The following ODAD1 variants were observed in gnomAD, a reference collection of about 807,000 sequenced individuals.
ODAD1 encodes the protein outer dynein arm docking complex subunit 1, also known as outer dynein arm-docking complex subunit 1.
ODAD1 carries 49 observed loss-of-function variants against 67.2 expected under a neutral mutation model. That is an observed-to-expected ratio of 0.73 (90% CI 0.58 to 0.92). The LOEUF (loss-of-function observed/expected upper bound fraction) is 0.92. ODAD1 is among the 40% of genes least tolerant of loss of function. ODAD1 has a pLI of 0.00. For missense variants in ODAD1, 897 were observed against 953.7 expected (o/e 0.94, Z 0.78); for synonymous variants, 345 against 393.7 (o/e 0.88, Z 1.46).
chr19:48,320,163 CT>C, intron 3 of ODAD1, 135 bp downstream of exon 3: 1 of 850,358 alleles, frequency 1.2e-6, no homozygotes. Flanking sequence ...CCCCGCCTCC[CT>C]TAGGGCGCAT....
At chr19:48,309,208 G>A (rs1968696631) in intron 7 of ODAD1, among the ~76,000 whole-genome samples, 1 of 152,140 alleles carries the variant, frequency 6.6e-6, no homozygotes, top group South Asian at 2.1e-4. Context: ...GCCATGAATG[G>A]CAGCAGGAGG....
chr19:48,302,799 G>A lies in ODAD1; in HGVS notation c.1135C>T (p.Gln379Ter). The change falls in exon 12 of 16, where the codon CAG (glutamine) becomes TAG (stop). Residue 379 changes from glutamine (Q) to a stop codon, truncating the protein, a stop_gained. Transcript: ENST00000674294. LOFTEE classifies it high-confidence loss of function. The stretch of plus-strand genomic sequence containing the variant: ...ATGCGCTGCTGCAACACCTTCTGCT[G>A]CTGCTCCTGCAGCAAATGCTGGTCA... ...KDDQHLLQEQQQKVLQQRMDK... is the reference protein window; with the variant it reads ...KDDQHLLQEQ 2 of 1,614,046 alleles carry A rather than the reference G, an allele frequency of 1.2e-6. No individual in the cohort carries two copies. The highest frequency in any genetic ancestry group is 1.7e-6 in the Non-Finnish European group (2 of 1,180,022).
At chr19:48,304,974 T>G (rs1169867861) in intron 8 of ODAD1, among the ~76,000 whole-genome samples, 1 of 152,218 alleles carries the variant, frequency 6.6e-6, no homozygotes, top group African/African-American at 2.4e-5. Context: ...TACTAAATGC[T>G]GCTACATTCT....
chr19:48,303,150 CAG>C (rs1968515469), intron 10 of ODAD1, 55 bp from the exon 11 acceptor site: 2 of 1,293,850 alleles, frequency 1.5e-6, no homozygotes, highest in African/African-American at 1.5e-5. Flanking sequence ...GAAACAGAGA[CAG>C]AGAGAACAGA....
chr19:48,311,643 C>T lies in ODAD1; in HGVS notation c.507G>A (p.Gln169=). ...LDRVTCHFDN[Q]LVRNAALREE... is the part of the protein sequence containing the mutation. ...CCCGCAGGGCCGCATTCCGTACCAG[C>T]TGGTTGTCAAAGTGACAGGTGACCT... is the stretch of plus-strand genomic sequence containing the variant. Residue 169 remains glutamine (Q), a synonymous_variant, in exon 7 of 16, where the codon CAG becomes CAA. Transcript: ENST00000674294. 6.4e-7 allele frequency: 1 copy of T among 1,550,860 alleles called. No individual in the cohort carries two copies. The highest frequency in any genetic ancestry group is 8.7e-7 in the Non-Finnish European group (1 of 1,146,248).
At chr19:48,319,929 A>G in intron 3 of ODAD1, 1 of 505,232 alleles carries the variant, frequency 2.0e-6, no homozygotes. Flanking sequence ...TACGACACAC[A>G]GGACTGCCCC....
In ODAD1 at chr19:48,298,215, C is replaced by T; in HGVS notation, c.1366G>A (p.Val456Met). Residue 456 changes from valine to methionine, a missense_variant, in exon 13 of 16, where the codon GTG becomes ATG. Transcript: ENST00000674294. ...AAGGCCTGCACTGTCAGGAGCTCCA[C>T]CAGCCGCTTCTCAATGAGGCTCAGG... ...LFLSLIEKRL[V>M]ELLTVQAFLH... 8 of 1,613,866 alleles carry T rather than the reference C, an allele frequency of 5.0e-6. No individual in the cohort carries two copies. Among genetic ancestry groups the T allele is most frequent in the Non-Finnish European group, 6.8e-6 (8 of 1,180,026 alleles).
rs1968942090 is a variant in ODAD1 at position 48,317,948 on chromosome 19, C to G, written c.360+439G>C. On this transcript the variant is annotated intron_variant, in intron 5 of 15. Coordinates refer to ENST00000674294, the MANE Select transcript of ODAD1 (RefSeq NM_001364171.2). The stretch of plus-strand genomic sequence containing the variant: ...AGTAGCCAGGCCTGGTGGTGGGCAC[C>G]TGTAGTCCCAGCTACTCGGGAAGCT... Among the ~76,000 whole-genome samples, 3 of 152,034 alleles carry G rather than the reference C, an allele frequency of 2.0e-5. No individual in the cohort carries two copies. The South Asian group carries it at 6.2e-4, about 32-fold the overall frequency.
chr19:48,311,780 G>C, intron 6 of ODAD1, 114 bp from the exon 7 acceptor site: 1 of 813,750 alleles, frequency 1.2e-6, no homozygotes, highest in Non-Finnish European at 2.1e-6. Context: ...TGTTTCCTGA[G>C]AAACAGAGGT....
rs1968771416 is a variant in ODAD1 at position 48,311,776 on chromosome 19, C to T, written c.484-110G>A. 6 of 824,356 alleles carry T rather than the reference C, an allele frequency of 7.3e-6. No individual in the cohort carries two copies. The South Asian group carries it at 7.6e-5, about 10-fold the overall frequency. 51.1% of individuals were successfully genotyped at this position (824,356 alleles called of 1,614,324 possible). A position where few individuals can be genotyped will look rare whatever the true frequency, so the allele number is the denominator to read the frequency against. On this transcript the variant is annotated intron_variant, in intron 6 of 15. Transcript: ENST00000674294. The stretch of plus-strand genomic sequence containing the variant: ...ATCAGAGGTTGGGCCGGCCTGTTTC[C>T]TGAGAAACAGAGGTTCTTTGGGGTT...
At chr19:48,311,450 C>A in intron 7 of ODAD1, 103 bp downstream of exon 7, 1 of 701,518 alleles carries the variant, frequency 1.4e-6, no homozygotes, top group Non-Finnish European at 2.6e-6. Context: ...TCTAGTCAAT[C>A]CCATACTTGA....
Position 48,311,590 on chromosome 19 carries a change from C to T in ODAD1, c.560G>A (p.Arg187Lys). 1 of 1,550,956 alleles carries T rather than the reference C, an allele frequency of 6.4e-7. No homozygotes were observed. The highest frequency in any genetic ancestry group is 8.7e-7 in the Non-Finnish European group (1 of 1,146,426). ...REELDLLRID[R>K]NRYLNVDRKL... ...GCGGTCCACGTTCAGATAGCGGTTC[C>T]TGTCGATCCGCAGCAGATCCAGCTC... The change falls in exon 7 of 16, where the codon AGG becomes AAG. Residue 187 changes from arginine to lysine, a missense_variant. By Grantham distance (26) the Arg-to-Lys change is conservative (BLOSUM62 2). Coordinates refer to ENST00000674294, the MANE Select transcript of ODAD1 (RefSeq NM_001364171.2).
At chr19:48,302,068 CTGGATGGA>C (rs755763524) in intron 12 of ODAD1, among the ~76,000 whole-genome samples, 2 of 145,854 alleles carry the variant, frequency 1.4e-5, no homozygotes, top group African/African-American at 5.2e-5. Flanking sequence ...GGAATAGACC[CTGGATGGA>C]TGGATGGATG....
intron 5 of ODAD1, among the ~76,000 whole-genome samples, chr19:48,314,231 G>A (rs1968840845): frequency 6.6e-6 from 1 of 152,184 alleles, no homozygotes; most frequent in Non-Finnish European, 1.5e-5. Context: ...AAGTACCCAA[G>A]ACTGCCAGCA....
In ODAD1 at chr19:48,297,279, C is replaced by T. The variant is rs1968318011; in HGVS notation, c.1821G>A (p.Gly607=). Residue 607 remains glycine, a synonymous_variant, in exon 16 of 16, where the codon GGG becomes GGA. Transcript: ENST00000674294. ...CGTGCGTGATGTGGCTGGGCAAATG[C>T]CCAGTGCTGGAGCTGAGGCCGCCAA... ...VTFGGLSSST[G]HLPSHITHGD... The T allele has an allele frequency of 6.2e-7, 1 of 1,613,890 alleles. No homozygotes were observed. Among genetic ancestry groups the T allele is most frequent in the Non-Finnish European group, 8.5e-7 (1 of 1,179,982 alleles).
intron 7 of ODAD1, among the ~76,000 whole-genome samples, chr19:48,308,665 C>T (rs1460383959): frequency 1.3e-5 from 2 of 152,246 alleles, no homozygotes; most frequent in East Asian, 1.9e-4. Context: ...AGCCCTGACC[C>T]TTCTGAGTTG....
Sources: allele counts gnomAD v4.1 joint callset (sites outside exome capture counted in the v4.1 genomes callset), GRCh38; gene constraint gnomAD v4.1.1; transcripts MANE v1.5; gene names NCBI Gene and HGNC (gene_info 2026-07-23, HGNC 2026-07-21).